LRP1B: variants seen among roughly 807,000 people sequenced by gnomAD.
LRP1B encodes low-density lipoprotein receptor-related protein 1B.
A neutral mutation model predicts 556.6 loss-of-function variants in LRP1B; 217 were observed. That is an observed-to-expected ratio of 0.39 (90% confidence interval 0.35 to 0.44). The LOEUF (loss-of-function observed/expected upper bound fraction) is 0.44. Among genes scored for constraint, LRP1B ranks in the 20% least tolerant of loss-of-function variants. The probability of loss-of-function intolerance (pLI) is 1.00; values close to 1 mark genes in which losing one functional copy is unlikely to be tolerated. For missense variants in LRP1B, 5,053 were observed against 5,620.8 expected (o/e 0.90, Z 3.23); for synonymous variants, 2,047 against 1,865.8 (o/e 1.10, Z -2.50).
chr2:141,883,425 A>T (rs1184315454), intron 1 of LRP1B, among the ~76,000 whole-genome samples: 1 of 152,204 alleles, frequency 6.6e-6, no homozygotes, highest in Admixed American at 6.5e-5. Flanking sequence ...AGACACTATT[A>T]GGCAATGATT....
chr2:140,494,474 G>A (rs527429402), intron 56 of LRP1B, among the ~76,000 whole-genome samples: 8 of 151,932 alleles, frequency 5.3e-5, no homozygotes, highest in Non-Finnish European at 7.4e-5. Flanking sequence ...GTGTGGTGGC[G>A]GGCACCTGTA....
At chr2:141,160,017 C>T (rs1446849836) in intron 7 of LRP1B, among the ~76,000 whole-genome samples, 1 of 151,838 alleles carries the variant, frequency 6.6e-6, no homozygotes, top group Non-Finnish European at 1.5e-5. Flanking sequence ...GGGGAGAGAA[C>T]TTAGAGGGCA....
intron 2 of LRP1B, among the ~76,000 whole-genome samples, chr2:141,692,238 T>C (rs7600343): frequency 0.082 from 12,445 of 152,062 alleles, 995 homozygotes; most frequent in African/African-American, 0.2. Context: ...ATGATTTCAA[T>C]CCTCTCAGGA....
intron 2 of LRP1B, among the ~76,000 whole-genome samples, chr2:141,745,816 G>T (rs927030604): frequency 6.6e-6 from 1 of 152,080 alleles, no homozygotes; most frequent in Non-Finnish European, 1.5e-5. Context: ...GAAAGTCTCA[G>T]AGTCTCACCC....
chr2:140,494,934 A>G (rs1688852552), intron 56 of LRP1B, among the ~76,000 whole-genome samples: 1 of 152,092 alleles, frequency 6.6e-6, no homozygotes, highest in African/African-American at 2.4e-5. Context: ...TTTTTTGCCC[A>G]TTTAACAGTC....
At chr2:141,347,229 C>T (rs935748715) in intron 3 of LRP1B, among the ~76,000 whole-genome samples, 2 of 151,944 alleles carry the variant, frequency 1.3e-5, no homozygotes, top group African/African-American at 4.8e-5. Flanking sequence ...ACACATGCTA[C>T]TTTCTGAGTC....
chr2:140,445,705 T>C (rs1686628623), intron 63 of LRP1B, among the ~76,000 whole-genome samples: 1 of 152,132 alleles, frequency 6.6e-6, no homozygotes. Context: ...TAATTTAATC[T>C]CACCATAACA....
chr2:140,699,981 T>C (rs1368683578), intron 41 of LRP1B, among the ~76,000 whole-genome samples: 2 of 149,986 alleles, frequency 1.3e-5, no homozygotes, highest in African/African-American at 4.9e-5. Flanking sequence ...TTTAGTGCAG[T>C]TATTTATAAG....
chr2:141,955,238 TCCTAAATTTGTCATTCATCATCTC>T (rs1701213509), intron 1 of LRP1B, among the ~76,000 whole-genome samples: 1 of 152,118 alleles, frequency 6.6e-6, no homozygotes, highest in Non-Finnish European at 1.5e-5. Context: ...GTAACCTCTC[TCCTAAATTTGTCATTCATCATCTC>T]CCTGAATTTC....
chr2:141,051,213 G>C (rs983558658), intron 10 of LRP1B, among the ~76,000 whole-genome samples: 1 of 152,148 alleles, frequency 6.6e-6, no homozygotes, highest in African/African-American at 2.4e-5. Context: ...CTGGAAGACA[G>C]TGTGGCGATC....
At chr2:141,092,955 T>G (rs1179156756) in intron 7 of LRP1B, among the ~76,000 whole-genome samples, 1 of 152,032 alleles carries the variant, frequency 6.6e-6, no homozygotes, top group African/African-American at 2.4e-5. Flanking sequence ...GCATTGAGTA[T>G]AGATAGTCTG....
At chr2:141,766,348 C>A (rs1694732719) in intron 2 of LRP1B, among the ~76,000 whole-genome samples, 1 of 152,100 alleles carries the variant, frequency 6.6e-6, no homozygotes, top group African/African-American at 2.4e-5. Flanking sequence ...TCCAATGATT[C>A]TCTGGTCACA....
intron 83 of LRP1B, among the ~76,000 whole-genome samples, chr2:140,306,470 G>A (rs1684071563): frequency 6.6e-6 from 1 of 152,164 alleles, no homozygotes; most frequent in Non-Finnish European, 1.5e-5. Flanking sequence ...TCTGATGGTA[G>A]TTTGTATTTC....
intron 2 of LRP1B, among the ~76,000 whole-genome samples, chr2:141,604,771 G>C (rs532417163): frequency 6.6e-6 from 1 of 152,070 alleles, no homozygotes; most frequent in Non-Finnish European, 1.5e-5. Flanking sequence ...GACTTCAGGT[G>C]GGGGATCATG....
At chr2:142,071,535 C>T (rs72990369) in intron 1 of LRP1B, among the ~76,000 whole-genome samples, 9,026 of 152,002 alleles carry the variant, frequency 0.059, 626 homozygotes, top group African/African-American at 0.17. Context: ...GTGGAAATTA[C>T]ATGAAATTTA....
rs1294365011 is a variant in LRP1B at position 140,297,863 on chromosome 2, T to C, written c.12912A>G (p.Gly4304=). ...QNGGTCIVTA[G]NQPYCHCQPE... ...GCTGGCAGTGGCAGTAAGGCTGGTT[T>C]CCAGCAGTCACAATGCAGGTTCCTC... The change falls in exon 84 of 91, where the codon GGA becomes GGG. Residue 4304 remains glycine, a synonymous_variant. Coordinates refer to ENST00000389484, the MANE Select transcript of LRP1B (RefSeq NM_018557.3). 17 of 1,614,012 alleles carry C rather than the reference T, an allele frequency of 1.1e-5. No individual in the cohort carries two copies. The highest frequency in any genetic ancestry group is 1.4e-5 in the Non-Finnish European group (16 of 1,179,940).
At chr2:141,494,741 C>A (rs181940311) in intron 2 of LRP1B, among the ~76,000 whole-genome samples, 14 of 146,534 alleles carry the variant, frequency 9.6e-5, no homozygotes, top group African/African-American at 3.5e-4. Context: ...TTTTATAAAG[C>A]AATTACACCT....
intron 1 of LRP1B, among the ~76,000 whole-genome samples, chr2:142,070,527 A>G (rs76561229): frequency 0.014 from 2,151 of 152,012 alleles, 29 homozygotes; most frequent in Non-Finnish European, 0.021. Context: ...CACAAATCCA[A>G]CCAGCACCTG....
intron 2 of LRP1B, among the ~76,000 whole-genome samples, chr2:141,639,304 GTATATATATATATATATATATATATA>G (rs577532316): frequency 1.2e-4 from 7 of 58,480 alleles, no homozygotes; most frequent in African/African-American, 3.7e-4. Flanking sequence ...CATCATGTGT[GTATATATATATATATATATATATATA>G]TATATATATA....
Sources: gnomAD v4.1 joint callset for allele counts (sites outside exome capture counted in the v4.1 genomes callset) on GRCh38, gnomAD v4.1.1 for gene constraint, MANE v1.5 for transcripts, NCBI Gene and HGNC (gene_info 2026-07-23, HGNC 2026-07-21) for gene names.